SENP7: variants seen among roughly 807,000 people sequenced by gnomAD.
The protein encoded by SENP7 is sentrin-specific protease 7.
In SENP7, 64 loss-of-function variants were observed where a neutral mutation model predicts 141.2. That is an observed-to-expected ratio of 0.45 (90% CI 0.37 to 0.56). SENP7 has a LOEUF of 0.56. Among genes scored for constraint, SENP7 ranks in the 20% least tolerant of loss-of-function variants. SENP7 has a pLI of 0.00. For missense variants in SENP7, 1,025 were observed against 1,212.2 expected (o/e 0.85, Z 2.29); for synonymous variants, 382 against 426.4 (o/e 0.90, Z 1.28).
chr3:101,388,226 A>G (rs894047675), intron 6 of SENP7, among the ~76,000 whole-genome samples: 2 of 152,076 alleles, frequency 1.3e-5, no homozygotes, highest in Non-Finnish European at 2.9e-5. Context: ...CAACTGTTAG[A>G]AGCCTGGGGG....
intron 10 of SENP7, 32 bp from the exon 11 acceptor site, chr3:101,361,893 A>C (rs775897106): frequency 1.9e-6 from 3 of 1,566,140 alleles, no homozygotes; most frequent in Non-Finnish European, 1.7e-6. Context: ...AATGCATATA[A>C]TTCTTAAGTA....
At chr3:101,415,929 T>C (rs2061605784) in intron 5 of SENP7, among the ~76,000 whole-genome samples, 1 of 152,170 alleles carries the variant, frequency 6.6e-6, no homozygotes. Context: ...AAGGTTTAAT[T>C]TTCTACCGCC....
chr3:101,420,028 T>C (rs1341889477), intron 4 of SENP7, among the ~76,000 whole-genome samples: 2 of 152,142 alleles, frequency 1.3e-5, no homozygotes, highest in Non-Finnish European at 2.9e-5. Flanking sequence ...CACACTACAC[T>C]GGTTTATGAC....
In SENP7 at chr3:101,332,001, A is replaced by G. The variant is rs2059068593; in HGVS notation, c.2682T>C (p.Asn894=). The G allele has an allele frequency of 6.2e-7, 1 of 1,613,448 alleles. No individual in the cohort carries two copies. Among genetic ancestry groups the G allele is most frequent in the Non-Finnish European group, 8.5e-7 (1 of 1,179,630 alleles). ...GGATGTCACCTATTGTTTTGTTGTC[A>G]TTTTGGGACTGCTGAGCCTGGGACT... ...SQQSQAQQSQ[N]DNKTIDNDLR... is the part of the protein sequence containing the mutation. The change falls in exon 19 of 24, where the codon AAT becomes AAC. Residue 894 remains asparagine, a synonymous_variant. Coordinates refer to ENST00000394095, the MANE Select transcript of SENP7 (RefSeq NM_020654.5).
chr3:101,401,383 G>C (rs934983305), intron 5 of SENP7, among the ~76,000 whole-genome samples: 3 of 151,940 alleles, frequency 2.0e-5, no homozygotes, highest in African/African-American at 7.3e-5. Context: ...ACAGAAATTA[G>C]CCAGGTGTGG....
intron 15 of SENP7, 93 bp from the exon 16 acceptor site, chr3:101,340,304 T>G (rs1040117257): frequency 3.6e-5 from 51 of 1,406,616 alleles, no homozygotes; most frequent in Admixed American, 6.2e-5. Flanking sequence ...GGCAGTGGTA[T>G]TCTGTAACTC....
intron 6 of SENP7, among the ~76,000 whole-genome samples, chr3:101,384,605 T>G (rs909839335): frequency 6.6e-6 from 1 of 152,222 alleles, no homozygotes; most frequent in Non-Finnish European, 1.5e-5. Flanking sequence ...ACAGCCGACA[T>G]GCCTGGCTGT....
At chr3:101,451,798 G>C (rs2063147251) in intron 4 of SENP7, among the ~76,000 whole-genome samples, 1 of 152,142 alleles carries the variant, frequency 6.6e-6, no homozygotes, top group African/African-American at 2.4e-5. Flanking sequence ...TTTGAAAACT[G>C]GCACAAGACA....
chr3:101,325,231 T>G lies in SENP7; in HGVS notation c.*712A>C, dbSNP rs1044549338. The G allele has an allele frequency of 3.3e-5, 5 of 152,148 alleles. No homozygotes were observed. The highest frequency in any genetic ancestry group is 4.8e-5 in the African/African-American group (2 of 41,422). 9.4% of individuals were successfully genotyped at this position (152,148 alleles called of 1,614,324 possible). A position where few individuals can be genotyped will look rare whatever the true frequency, so the allele number is the denominator to read the frequency against. On this transcript the variant is annotated 3_prime_UTR_variant, in exon 24 of 24. Transcript: ENST00000394095. ...AACTATTTTGCACAGGTAAAATTTTTTGTTTCAAATTTTACCCTGAACAAA... is the reference window on the plus strand; with the variant it reads ...AACTATTTTGCACAGGTAAAATTTTGTGTTTCAAATTTTACCCTGAACAAA...
intron 20 of SENP7, among the ~76,000 whole-genome samples, chr3:101,330,101 T>C (rs931138756): frequency 6.6e-6 from 1 of 152,126 alleles, no homozygotes; most frequent in Non-Finnish European, 1.5e-5. Flanking sequence ...TTAACCAAGA[T>C]GAACATCAGA....
chr3:101,371,984 AAC>A (rs2060194464), intron 7 of SENP7, 22 bp downstream of exon 7: 3 of 1,083,666 alleles, frequency 2.8e-6, no homozygotes, highest in Non-Finnish European at 3.8e-6. Flanking sequence ...TTCAAATTCC[AAC>A]AGTTTTCTAA....
At chr3:101,339,971 CA>C in intron 16 of SENP7, 123 bp downstream of exon 16, 6 of 1,300,570 alleles carry the variant, frequency 4.6e-6, no homozygotes, top group Non-Finnish European at 6.1e-6. Context: ...AAAAATTTTC[CA>C]AATCTGAAAT....
rs1412687466 is a variant in SENP7, at chr3:101,437,926, T to A, written c.285-20136A>T. Among the ~76,000 whole-genome samples, 53 of 139,670 alleles carry A rather than the reference T, an allele frequency of 3.8e-4. 2 individuals carry two copies. The highest frequency in any genetic ancestry group is 2.3e-3 in the Admixed American group (33 of 14,062). The allele number at this position is 139,670 out of a possible 152,430, so 91.6% of individuals were successfully genotyped here. On this transcript the variant is annotated intron_variant, in intron 4 of 23. Transcript: ENST00000394095. ...ACCATTAGGATGGCTACTACAAATT[T>A]AAAAAAAAAAAAACAGAAAGTAACA...
chr3:101,338,298 A>G (rs1277840601), intron 16 of SENP7, among the ~76,000 whole-genome samples: 1 of 152,156 alleles, frequency 6.6e-6, no homozygotes, highest in Admixed American at 6.5e-5. Flanking sequence ...AGGGTAGAAA[A>G]TATTAATCAA....
chr3:101,366,363 A>G, intron 9 of SENP7, 67 bp downstream of exon 9: 1 of 1,226,124 alleles, frequency 8.2e-7, no homozygotes, highest in Admixed American at 2.4e-5. Context: ...TTTGTTCAAG[A>G]AGAATAAAAA....
intron 2 of SENP7, among the ~76,000 whole-genome samples, chr3:101,499,684 T>C (rs994448088): frequency 6.6e-6 from 1 of 152,004 alleles, no homozygotes; most frequent in Admixed American, 6.6e-5. Flanking sequence ...TACAGGCACC[T>C]GCCACCACAC....
intron 5 of SENP7, among the ~76,000 whole-genome samples, chr3:101,412,699 G>A (rs1412077016): frequency 1.3e-5 from 2 of 152,044 alleles, no homozygotes; most frequent in South Asian, 2.1e-4. Context: ...GATGAAAGCA[G>A]AAGAAAGATA....
intron 6 of SENP7, among the ~76,000 whole-genome samples, chr3:101,397,971 C>G (rs2061018544): frequency 6.6e-6 from 1 of 152,216 alleles, no homozygotes. Flanking sequence ...TCTCCTAGAG[C>G]TTAAAACAAA....
chr3:101,372,141 T>A lies in SENP7; in HGVS notation c.678-15A>T, dbSNP rs762296049. ...GTTGTGAGCCCCTGCAAAAGAGAACTGTATTATACTCAATTCTAATAAAGC... is the reference window on the plus strand; with the variant it reads ...GTTGTGAGCCCCTGCAAAAGAGAACAGTATTATACTCAATTCTAATAAAGC... On this transcript the variant is annotated splice_polypyrimidine_tract_variant and intron_variant, in intron 6 of 23. Coordinates refer to ENST00000394095, the MANE Select transcript of SENP7 (RefSeq NM_020654.5). 1.5e-6 allele frequency: 2 copies of A among 1,355,344 alleles called. No homozygotes were observed. Among genetic ancestry groups the A allele is most frequent in the Admixed American group, 4.0e-5 (2 of 50,034 alleles). 84.0% of individuals were successfully genotyped at this position (1,355,344 alleles called of 1,614,324 possible). A position where few individuals can be genotyped will look rare whatever the true frequency, so the allele number is the denominator to read the frequency against.
Sources: allele counts gnomAD v4.1 joint callset (sites outside exome capture counted in the v4.1 genomes callset), GRCh38; gene constraint gnomAD v4.1.1; transcripts MANE v1.5; gene names NCBI Gene and HGNC (gene_info 2026-07-23, HGNC 2026-07-21).